Variants in DNAH9 observed in about 807,000 individuals in gnomAD.
The protein encoded by DNAH9 is DNAH9 variant protein.
DNAH9 carries 345 observed loss-of-function variants against 471.6 expected under a neutral mutation model. That is an observed-to-expected ratio of 0.73 (90% CI 0.67 to 0.80). The LOEUF (loss-of-function observed/expected upper bound fraction) is 0.80, where lower values mean the gene tolerates loss of function less well. DNAH9 is among the 30% of genes least tolerant of loss of function. The pLI is 0.00. For missense variants in DNAH9, 5,407 were observed against 5,609.2 expected (o/e 0.96, Z 1.15); for synonymous variants, 2,093 against 2,123.6 (o/e 0.99, Z 0.40).
rs956763736 is a variant in DNAH9, at chr17:11,612,098, C to T, written c.904+318C>T. 10 of 581,034 alleles carry T rather than the reference C, an allele frequency of 1.7e-5. No individual in the cohort carries two copies. In the Admixed American group the frequency reaches 1.8e-4, roughly 11 times the overall value. 36.0% of individuals were successfully genotyped at this position (581,034 alleles called of 1,614,324 possible). A position where few individuals can be genotyped will look rare whatever the true frequency, so the allele number is the denominator to read the frequency against. ...GTGTGAGATTATACAGGTGGAAGAA[C>T]TTATTGACTTAACACAACAATGTTC... is the stretch of plus-strand genomic sequence containing the variant. On this transcript the variant is annotated intron_variant, in intron 4 of 68. Coordinates refer to ENST00000262442, the MANE Select transcript of DNAH9 (RefSeq NM_001372.4).
Position 11,797,740 on chromosome 17 carries a change from T to G in DNAH9, c.8367T>G (p.Asn2789Lys), listed in dbSNP as rs773081294. 1.2e-6 allele frequency: 2 copies of G among 1,614,220 alleles called. No homozygotes were observed. The highest frequency in any genetic ancestry group is 3.3e-5 in the Admixed American group (2 of 60,020). ...QTLVEALENH[N>K]EVNTVMDLVL... ...TGGTGGAGGCCTTGGAGAACCACAA[T>G]GAAGTCAACACAGTGATGGACCTAG... is the stretch of plus-strand genomic sequence containing the variant. The change falls in exon 43 of 69, where the codon AAT (asparagine) becomes AAG (lysine). Residue 2789 changes from asparagine to lysine, a missense_variant. Physicochemically the swap from Asn to Lys is moderately conservative, Grantham distance 94. Transcript: ENST00000262442.
At chr17:11,762,770 GTTTTTTTTTTTT>G (rs563544881) in intron 35 of DNAH9, among the ~76,000 whole-genome samples, 2 of 90,744 alleles carry the variant, frequency 2.2e-5, no homozygotes, top group African/African-American at 8.2e-5. Context: ...TTTTTTTTTT[GTTTTTTTTTTTT>G]TTTTTTTTTT....
chr17:11,753,005 GA>G, intron 33 of DNAH9, 45 bp downstream of exon 33: 1 of 1,479,380 alleles, frequency 6.8e-7, no homozygotes. Context: ...AATCACCTGT[GA>G]AACCAGTCAC....
At chr17:11,668,963 A>G (rs776523245) in intron 15 of DNAH9, 101 bp from the exon 16 acceptor site, 151 of 812,498 alleles carry the variant, frequency 1.9e-4, no homozygotes, top group Admixed American at 4.3e-4. Context: ...CTAGCAGCCT[A>G]TCTAAAGAAA....
chr17:11,669,817 C>G, intron 17 of DNAH9, 23 bp downstream of exon 17: 1 of 1,599,586 alleles, frequency 6.3e-7, no homozygotes, highest in Non-Finnish European at 8.6e-7. Context: ...TTTTCACTTT[C>G]TTCCAGCATG....
chr17:11,667,032 A>G (rs2073883505), intron 15 of DNAH9, among the ~76,000 whole-genome samples: 1 of 152,104 alleles, frequency 6.6e-6, no homozygotes, highest in South Asian at 2.1e-4. Context: ...GTGCACCAAC[A>G]CTGTGGAACC....
rs1018760386 is a variant in DNAH9 at position 11,933,933 on chromosome 17, T to C, written c.12351T>C (p.His4117=). The part of the protein sequence containing the change: ...YLFGEIMYGG[H]ITDDWDRRLC... ...TTGGAGAGATCATGTATGGAGGCCA[T>C]ATCACAGATGACTGGGACAGAAGAC... The change falls in exon 65 of 69, where the codon CAT becomes CAC. Residue 4117 remains histidine (H), a synonymous_variant. Coordinates refer to ENST00000262442, the MANE Select transcript of DNAH9 (RefSeq NM_001372.4). The C allele has an allele frequency of 5.0e-6, 8 of 1,614,034 alleles. No individual in the cohort carries two copies. The Admixed American group carries it at 8.3e-5, about 17-fold the overall frequency.
intron 55 of DNAH9, 118 bp from the exon 56 acceptor site, chr17:11,883,468 C>T: frequency 2.3e-6 from 3 of 1,312,538 alleles, no homozygotes; most frequent in South Asian, 1.4e-5. Context: ...AGCTCTTTGC[C>T]ATTCTGCCTC....
At chr17:11,832,822 G>A (rs751596332) in intron 48 of DNAH9, among the ~76,000 whole-genome samples, 2 of 152,158 alleles carry the variant, frequency 1.3e-5, no homozygotes, top group African/African-American at 2.4e-5. Flanking sequence ...AGAGGCAAGA[G>A]GCCATTCTGG....
Position 11,904,396 on chromosome 17 carries a change from C to T in DNAH9, c.11601-1265C>T, listed in dbSNP as rs138066157. On this transcript the variant is annotated intron_variant, in intron 60 of 68. Transcript: ENST00000262442. ...CTATAATCCCAGCACTTTGTCAGGC[C>T]GAGGCAGGAGGATCACGAGGTCAGG... Among the ~76,000 whole-genome samples the T allele has an allele frequency of 4.0e-3, 604 of 151,976 alleles. 5 individuals are homozygous for T. Among genetic ancestry groups the T allele is most frequent in the African/African-American group, 0.013 (553 of 41,430 alleles).
At chr17:11,698,284 T>A (rs1385662266) in intron 22 of DNAH9, among the ~76,000 whole-genome samples, 1 of 136,472 alleles carries the variant, frequency 7.3e-6, no homozygotes, top group African/African-American at 2.7e-5. Flanking sequence ...ATATTATATA[T>A]TAATAATTAT....
At position 11,735,090 on chromosome 17, in the gene DNAH9, G is replaced by A. The variant is rs533910147; in HGVS notation, c.5815-3790G>A. On this transcript the variant is annotated intron_variant, in intron 28 of 68. Transcript: ENST00000262442. Reference sequence around the variant, plus strand: ...GGAATTGGTTTGGACCCAAGGACACGTGGTGTGGGATGGAGGTTAAGTGCC... The same window carrying A: ...GGAATTGGTTTGGACCCAAGGACACATGGTGTGGGATGGAGGTTAAGTGCC... Among the ~76,000 whole-genome samples, 33 of 152,324 alleles carry A rather than the reference G, an allele frequency of 2.2e-4. No individual in the cohort carries two copies. In the South Asian group the frequency reaches 3.9e-3, roughly 18 times the overall value.
Position 11,694,700 on chromosome 17 carries a change from TTCTC to T in DNAH9, c.4872+277_4872+280del, listed in dbSNP as rs1200407449. ...TTTCTCGCTTTCTCGCTTTCTCGCT[TTCTC>T]TCTCTCTCTCTCTCTCTCTCTCTTT... On this transcript the variant is annotated intron_variant, in intron 22 of 68. Transcript: ENST00000262442. 1.3e-3 allele frequency among the ~76,000 whole-genome samples: 3 copies of T among 2,272 alleles called. 1 individual carries two copies. Among genetic ancestry groups the T allele is most frequent in the African/African-American group, 1.5e-3 (3 of 2,068 alleles). The allele number at this position is 2,272 out of a possible 152,430, so 1.5% of individuals were successfully genotyped here.
At chr17:11,933,788 G>GTGGC in intron 64 of DNAH9, 92 bp from the exon 65 acceptor site, 1 of 1,165,882 alleles carries the variant, frequency 8.6e-7, no homozygotes, top group Non-Finnish European at 1.2e-6. Flanking sequence ...TCCCTCTCTT[G>GTGGC]TGGCTTTCTG....
rs138794338 is a variant in DNAH9, at chr17:11,877,334, G to A, written c.10478+2150G>A. Among the ~76,000 whole-genome samples, 896 of 151,288 alleles carry A rather than the reference G, an allele frequency of 5.9e-3. 11 individuals carry two copies. The highest frequency in any genetic ancestry group is 6.9e-3 in the Non-Finnish European group (465 of 67,822). ...CTAAAAATACAAAAATTAGCTGGGC[G>A]TGGTAGCAGACGCCTGTAATCCCAG... On this transcript the variant is annotated intron_variant, in intron 53 of 68. Transcript: ENST00000262442.
intron 67 of DNAH9, among the ~76,000 whole-genome samples, chr17:11,950,233 C>T (rs112224358): frequency 5.9e-5 from 9 of 152,276 alleles, no homozygotes; most frequent in African/African-American, 1.7e-4. Context: ...TATACTCATA[C>T]ATCATTATCA....
chr17:11,880,648 G>T (rs1329645999), intron 54 of DNAH9, among the ~76,000 whole-genome samples: 2 of 152,146 alleles, frequency 1.3e-5, no homozygotes, highest in African/African-American at 4.8e-5. Flanking sequence ...GGGTGGTGTG[G>T]AGAGGAAAAG....
chr17:11,670,992 C>T (rs938257102), intron 17 of DNAH9, among the ~76,000 whole-genome samples: 11 of 152,166 alleles, frequency 7.2e-5, no homozygotes, highest in Non-Finnish European at 1.5e-5. Flanking sequence ...TGTGAGCCAC[C>T]GTGCCTGACT....
In DNAH9 at chr17:11,937,370, C is replaced by T; in HGVS notation, c.12508C>T (p.Pro4170Ser). The T allele has an allele frequency of 6.2e-7, 1 of 1,609,724 alleles. No homozygotes were observed. Residue 4170 changes from proline to serine, a missense_variant, in exon 66 of 69, where the codon CCC (proline) becomes TCC (serine). This residue lies in a region of DNAH9 where 4,636 missense variants were observed against 4,900.3 expected (regional missense o/e 0.95). Coordinates refer to ENST00000262442, the MANE Select transcript of DNAH9 (RefSeq NM_001372.4). The surrounding 1 kb of genome is among the most constrained non-coding windows in gnomAD (Gnocchi z 4.1). Reference sequence around the variant, plus strand: ...TTTTCAGTACATCGATGCTGAGCTGCCCCCAGAATCCCCCTACCTCTATGG... The same window carrying T: ...TTTTCAGTACATCGATGCTGAGCTGTCCCCAGAATCCCCCTACCTCTATGG... ...GYHQYIDAEL[P>S]PESPYLYGLH...
Sources: gnomAD v4.1 joint callset for allele counts (sites outside exome capture counted in the v4.1 genomes callset) on GRCh38, gnomAD v4.1.1 for gene constraint, gnomAD v4.1.1 regional missense constraint, Gnocchi (gnomAD v3.1) non-coding constraint, MANE v1.5 for transcripts, NCBI Gene and HGNC (gene_info 2026-07-23, HGNC 2026-07-21) for gene names.